MDGA2: variants seen among roughly 807,000 people sequenced by gnomAD.
MDGA2 encodes the protein MAM domain containing glycosylphosphatidylinositol anchor 2, also known as MAM domain-containing glycosylphosphatidylinositol anchor protein 2.
In MDGA2, 40 loss-of-function variants were observed where a neutral mutation model predicts 117.8. That is an observed-to-expected ratio of 0.34 (90% CI 0.26 to 0.44). The LOEUF (loss-of-function observed/expected upper bound fraction) is 0.44. Among genes scored for constraint, MDGA2 ranks in the 20% least tolerant of loss-of-function variants. MDGA2 has a pLI of 1.00. For missense variants in MDGA2, 1,123 were observed against 1,250.6 expected, an observed-to-expected ratio of 0.90 and a Z score of 1.54; for synonymous variants, 452 against 439.0, an observed-to-expected ratio of 1.03 and a Z score of -0.37.
chr14:47,313,563 C>A lies in MDGA2; in HGVS notation c.281-12013G>T, dbSNP rs186405405. ...TCTCCTGCCTCTGCCTCCCCATATA[C>A]TGGGATTATAGGCATGAGCCACCAT... On this transcript the variant is annotated intron_variant, in intron 1 of 16. Transcript: ENST00000399232. Among the ~76,000 whole-genome samples the A allele has an allele frequency of 1.9e-3, 293 of 152,296 alleles. 1 individual carries two copies. Among genetic ancestry groups the A allele is most frequent in the Middle Eastern group, 6.8e-3 (2 of 294 alleles).
At chr14:47,258,968 A>G (rs1368651959) in intron 2 of MDGA2, among the ~76,000 whole-genome samples, 1 of 152,034 alleles carries the variant, frequency 6.6e-6, no homozygotes, top group Non-Finnish European at 1.5e-5. Flanking sequence ...GTCAGCTGAA[A>G]CTCTATTAGG....
intron 14 of MDGA2, among the ~76,000 whole-genome samples, chr14:46,861,295 A>G (rs1425502676): frequency 2.0e-5 from 3 of 151,910 alleles, no homozygotes; most frequent in South Asian, 4.1e-4. Flanking sequence ...AAACATATTA[A>G]TATGTGTGAC....
chr14:46,968,857 C>A (rs1017508281), intron 8 of MDGA2, among the ~76,000 whole-genome samples: 2 of 150,390 alleles, frequency 1.3e-5, no homozygotes, highest in African/African-American at 2.4e-5. Context: ...AAAAACAAAT[C>A]CTAGATTTGA....
chr14:47,108,891 G>T (rs1292996335), intron 5 of MDGA2, among the ~76,000 whole-genome samples: 4 of 152,214 alleles, frequency 2.6e-5, no homozygotes, highest in African/African-American at 9.6e-5. Flanking sequence ...TATACCAATA[G>T]TTGGGGTACT....
intron 2 of MDGA2, among the ~76,000 whole-genome samples, chr14:47,246,920 A>G (rs768822935): frequency 1.3e-5 from 2 of 151,586 alleles, no homozygotes; most frequent in Non-Finnish European, 3.0e-5. Flanking sequence ...TTTGGAGAAT[A>G]GGAAGATTCC....
chr14:46,922,296 T>C (rs1043127131), intron 9 of MDGA2, among the ~76,000 whole-genome samples: 6 of 152,202 alleles, frequency 3.9e-5, no homozygotes, highest in African/African-American at 1.4e-4. Flanking sequence ...AATTTCCCTT[T>C]ATTCGAGGTA....
chr14:47,072,554 GT>G (rs1890331991), intron 6 of MDGA2, among the ~76,000 whole-genome samples: 1 of 152,294 alleles, frequency 6.6e-6, no homozygotes, highest in Non-Finnish European at 1.5e-5. Context: ...GATAGTGATA[GT>G]TTAAAGTATT....
chr14:47,282,708 C>CA (rs1888539769), intron 2 of MDGA2, among the ~76,000 whole-genome samples: 1 of 142,276 alleles, frequency 7.0e-6, no homozygotes, highest in African/African-American at 2.6e-5. Flanking sequence ...AAAAAAAAAA[C>CA]AAAAAACAAA....
chr14:47,367,655 A>G (rs1891259135), intron 1 of MDGA2, among the ~76,000 whole-genome samples: 1 of 152,160 alleles, frequency 6.6e-6, no homozygotes, highest in Admixed American at 6.5e-5. Context: ...TTTTTCTTCC[A>G]CAATTTGCCA....
intron 1 of MDGA2, among the ~76,000 whole-genome samples, chr14:47,362,227 T>C (rs1027500666): frequency 1.3e-5 from 2 of 152,176 alleles, no homozygotes; most frequent in African/African-American, 2.4e-5. Context: ...GATTTTGAAG[T>C]ACCTTCATTT....
At chr14:46,973,473 G>T (rs939284095) in intron 8 of MDGA2, among the ~76,000 whole-genome samples, 7 of 152,038 alleles carry the variant, frequency 4.6e-5, no homozygotes, top group Non-Finnish European at 7.4e-5. Context: ...CACTGACCTG[G>T]ACTCCATGCC....
intron 3 of MDGA2, chr14:47,201,246 G>A: frequency 2.0e-6 from 1 of 492,134 alleles, no homozygotes; most frequent in Non-Finnish European, 3.8e-6. Flanking sequence ...ACCAAATGCT[G>A]TGATTTCAAT....
chr14:47,550,230 A>T (rs1167399328), intron 1 of MDGA2, among the ~76,000 whole-genome samples: 1 of 152,208 alleles, frequency 6.6e-6, no homozygotes, highest in East Asian at 1.9e-4. Context: ...AGTTAATTTT[A>T]TAAAATGTCT....
intron 1 of MDGA2, among the ~76,000 whole-genome samples, chr14:47,514,848 C>A (rs1163319760): frequency 1.3e-5 from 2 of 152,020 alleles, no homozygotes; most frequent in East Asian, 3.9e-4. Context: ...CATGACAATG[C>A]TAAGTTCTTT....
intron 3 of MDGA2, among the ~76,000 whole-genome samples, chr14:47,178,411 G>A (rs952594980): frequency 1.3e-5 from 2 of 152,076 alleles, no homozygotes; most frequent in Admixed American, 1.3e-4. Flanking sequence ...ACTATGCCTG[G>A]TATGCCTGGA....
chr14:47,593,531 T>C (rs79969694), intron 1 of MDGA2, among the ~76,000 whole-genome samples: 1 of 152,142 alleles, frequency 6.6e-6, no homozygotes, highest in Non-Finnish European at 1.5e-5. Flanking sequence ...ATAGACACCA[T>C]GGAATACTAT....
At chr14:47,462,595 C>T (rs1307121823) in intron 1 of MDGA2, among the ~76,000 whole-genome samples, 1 of 152,062 alleles carries the variant, frequency 6.6e-6, no homozygotes, top group African/African-American at 2.4e-5. Context: ...AAAATACAAA[C>T]TGTTGTTAAA....
chr14:47,034,965 C>A lies in MDGA2; in HGVS notation c.1819+46G>T. 4 of 1,523,674 alleles carry A rather than the reference C, an allele frequency of 2.6e-6. No individual in the cohort carries two copies. In the South Asian group the frequency reaches 3.8e-5, roughly 14 times the overall value. 94.4% of individuals were successfully genotyped at this position (1,523,674 alleles called of 1,614,324 possible). On this transcript the variant is annotated intron_variant, in intron 8 of 16. Transcript: ENST00000399232. ...TAATAGTAGAATAATGGTAACACTTCTTCCCTTGTCCCCATATGGAAATGC... is the reference window on the plus strand; with the variant it reads ...TAATAGTAGAATAATGGTAACACTTATTCCCTTGTCCCCATATGGAAATGC...
chr14:47,166,314 G>A (rs1362709323), intron 3 of MDGA2, among the ~76,000 whole-genome samples: 7 of 152,232 alleles, frequency 4.6e-5, no homozygotes, highest in African/African-American at 9.6e-5. Context: ...GATTACAGGC[G>A]TGAGCCATGG....
Sources: allele counts gnomAD v4.1 joint callset (sites outside exome capture counted in the v4.1 genomes callset), GRCh38; gene constraint gnomAD v4.1.1; transcripts MANE v1.5; gene names NCBI Gene and HGNC (gene_info 2026-07-23, HGNC 2026-07-21).